Variants in KCNB2 observed in about 807,000 individuals in gnomAD.
The protein encoded by KCNB2 is delayed rectifier potassium channel protein.
KCNB2 carries 15 observed loss-of-function variants against 61.5 expected under a neutral mutation model. That is an observed-to-expected ratio of 0.24 (90% CI 0.16 to 0.38). KCNB2 has a LOEUF of 0.38. Ranked by LOEUF, KCNB2 falls within the 10% of genes least tolerant of loss-of-function variation. The probability of loss-of-function intolerance (pLI) is 1.00; values close to 1 mark genes in which losing one functional copy is unlikely to be tolerated. For synonymous variants in KCNB2, 457 were observed against 446.0 expected (o/e 1.02, Z -0.31); for missense variants, 828 against 1,125.2 (o/e 0.74, Z 3.78).
chr8:72,796,606 G>T (rs1809033684), intron 2 of KCNB2, among the ~76,000 whole-genome samples: 1 of 150,768 alleles, frequency 6.6e-6, no homozygotes, highest in East Asian at 2.0e-4. Context: ...TCATTTTTTT[G>T]AGATAATAAG....
intron 2 of KCNB2, among the ~76,000 whole-genome samples, chr8:72,716,342 T>C (rs7014667): frequency 0.017 from 2,528 of 152,250 alleles, 63 homozygotes; most frequent in African/African-American, 0.058. Flanking sequence ...TACCAAAGCC[T>C]GGCAGAGACA....
chr8:72,757,952 G>A (rs1218275905), intron 2 of KCNB2, among the ~76,000 whole-genome samples: 1 of 152,248 alleles, frequency 6.6e-6, no homozygotes, highest in Non-Finnish European at 1.5e-5. Context: ...CACATGCCCT[G>A]TGGGGTGTGC....
intron 2 of KCNB2, among the ~76,000 whole-genome samples, chr8:72,765,348 C>T (rs1808444529): frequency 6.6e-6 from 1 of 152,164 alleles, no homozygotes; most frequent in Admixed American, 6.5e-5. Context: ...GTTTCACCAC[C>T]ACTATCTTTT....
chr8:72,565,192 ACTC>A (rs1157188672), intron 1 of KCNB2, among the ~76,000 whole-genome samples: 1 of 150,660 alleles, frequency 6.6e-6, no homozygotes. Flanking sequence ...AGTTGAAAAA[ACTC>A]CTGCTGCAAG....
intron 2 of KCNB2, among the ~76,000 whole-genome samples, chr8:72,613,775 G>C (rs888405955): frequency 6.6e-6 from 1 of 152,188 alleles, no homozygotes; most frequent in Non-Finnish European, 1.5e-5. Context: ...TTGGCACATT[G>C]AGCATTCAAT....
chr8:72,713,123 G>A (rs987259937), intron 2 of KCNB2, among the ~76,000 whole-genome samples: 4 of 152,224 alleles, frequency 2.6e-5, no homozygotes, highest in South Asian at 2.1e-4. Context: ...AGGGGCGCCC[G>A]CCATTGCCCA....
intron 2 of KCNB2, among the ~76,000 whole-genome samples, chr8:72,745,236 G>A (rs1475116723): frequency 6.6e-6 from 1 of 152,132 alleles, no homozygotes; most frequent in East Asian, 1.9e-4. Context: ...CTAAAAATAT[G>A]TGCAGTGTTA....
intron 2 of KCNB2, among the ~76,000 whole-genome samples, chr8:72,703,553 G>A (rs1807168828): frequency 1.3e-5 from 2 of 152,206 alleles, no homozygotes; most frequent in South Asian, 4.1e-4. Context: ...CTTCGACCAA[G>A]TAGCTCTCTT....
At position 72,925,605 on chromosome 8, in the gene KCNB2, C is replaced by T. The variant is rs764022532; in HGVS notation, c.580-10330C>T. Among the ~76,000 whole-genome samples the T allele has an allele frequency of 9.2e-5, 14 of 152,092 alleles. 1 individual carries two copies. In the East Asian group the frequency reaches 1.5e-3, roughly 17 times the overall value. ...AAACCACAATGAGATACCAAGCTGG[C>T]GAAATTGTGGAGAAAAGGGAATGCT... is the stretch of plus-strand genomic sequence containing the variant. On this transcript the variant is annotated intron_variant, in intron 2 of 2. Transcript: ENST00000523207.
chr8:72,559,916 G>A (rs1029117950), intron 1 of KCNB2, among the ~76,000 whole-genome samples: 1 of 152,160 alleles, frequency 6.6e-6, no homozygotes, highest in Non-Finnish European at 1.5e-5. Context: ...GACAAGTCAT[G>A]CGACCTCAGT....
chr8:72,742,180 A>C (rs550758956), intron 2 of KCNB2, among the ~76,000 whole-genome samples: 31 of 152,314 alleles, frequency 2.0e-4, no homozygotes, highest in African/African-American at 7.0e-4. Flanking sequence ...GGTTTCAATT[A>C]AGGCTTCTTT....
chr8:72,778,053 G>A (rs1808685550), intron 2 of KCNB2, among the ~76,000 whole-genome samples: 1 of 152,048 alleles, frequency 6.6e-6, no homozygotes, highest in South Asian at 2.1e-4. Context: ...TCCATGTTTT[G>A]TTATAAACTA....
At chr8:72,730,911 CAGA>C (rs562962120) in intron 2 of KCNB2, among the ~76,000 whole-genome samples, 122 of 152,212 alleles carry the variant, frequency 8.0e-4, no homozygotes, top group African/African-American at 2.7e-3. Context: ...AACTTCATAC[CAGA>C]AGAAGATGTT....
intron 2 of KCNB2, among the ~76,000 whole-genome samples, chr8:72,920,744 G>C (rs1255895738): frequency 1.3e-5 from 2 of 151,936 alleles, no homozygotes; most frequent in African/African-American, 4.8e-5. Flanking sequence ...TAAGTACTAA[G>C]TAGCTTTGCT....
chr8:72,837,177 C>A (rs1398467736), intron 2 of KCNB2, among the ~76,000 whole-genome samples: 1 of 152,176 alleles, frequency 6.6e-6, no homozygotes, highest in East Asian at 1.9e-4. Flanking sequence ...GTCTAGTGTT[C>A]TCATAATTGC....
At chr8:72,838,861 G>A (rs568159083) in intron 2 of KCNB2, among the ~76,000 whole-genome samples, 1 of 152,292 alleles carries the variant, frequency 6.6e-6, no homozygotes, top group South Asian at 2.1e-4. Context: ...AAGCCAATAA[G>A]TGTTTGGGGT....
chr8:72,793,060 C>G (rs932443385), intron 2 of KCNB2, among the ~76,000 whole-genome samples: 1 of 152,176 alleles, frequency 6.6e-6, no homozygotes, highest in Admixed American at 6.5e-5. Context: ...TGTTAAGCAA[C>G]TAAAATGTCC....
chr8:72,889,506 G>A (rs114790422), intron 2 of KCNB2, among the ~76,000 whole-genome samples: 4,101 of 152,108 alleles, frequency 0.027, 179 homozygotes, highest in African/African-American at 0.09. Context: ...TGGGCAACAT[G>A]ATAACACCCT....
At chr8:72,797,874 T>C (rs1809056257) in intron 2 of KCNB2, among the ~76,000 whole-genome samples, 1 of 152,178 alleles carries the variant, frequency 6.6e-6, no homozygotes, top group Non-Finnish European at 1.5e-5. Context: ...TCCCAGTGCG[T>C]TGCAATTTTT....
Sources: allele counts gnomAD v4.1 joint callset (sites outside exome capture counted in the v4.1 genomes callset), GRCh38; gene constraint gnomAD v4.1.1; transcripts MANE v1.5; gene names NCBI Gene and HGNC (gene_info 2026-07-23, HGNC 2026-07-21).